SGK1: variants seen among roughly 807,000 people sequenced by gnomAD.
SGK1 encodes serum/glucocorticoid regulated kinase 1, also known as serine/threonine-protein kinase Sgk1.
Under a neutral mutation model 64.2 loss-of-function variants are expected in SGK1, and 26 were observed. The observed-to-expected ratio is 0.40, with a 90% CI of 0.30 to 0.56. The LOEUF is 0.56. Ranked by LOEUF, SGK1 falls within the 20% of genes least tolerant of loss-of-function variation. The pLI, the probability that SGK1 is intolerant of heterozygous loss-of-function variation, is 0.38. For synonymous variants in SGK1, 265 were observed against 239.7 expected (o/e 1.11, Z -0.98); for missense variants, 519 against 645.6 (o/e 0.80, Z 2.12).
intron 3 of SGK1, among the ~76,000 whole-genome samples, chr6:134,191,585 A>G (rs1775510185): frequency 6.6e-6 from 1 of 152,160 alleles, no homozygotes; most frequent in South Asian, 2.1e-4. Context: ...AGTTAAGTCC[A>G]CCTATTATAA....
chr6:134,209,373 G>T lies in SGK1; in HGVS notation c.286-1942C>A, dbSNP rs189139214. Among the ~76,000 whole-genome samples the T allele has an allele frequency of 7.2e-5, 11 of 152,242 alleles. No homozygotes were observed. In the East Asian group the frequency reaches 2.1e-3, roughly 30 times the overall value. On this transcript the variant is annotated intron_variant, in intron 2 of 13. Coordinates refer to ENST00000367858, the MANE Select transcript of SGK1 (RefSeq NM_001143676.3). ...CGCTTGAACCCGGGAGGCAGAGGCCGCAGTGAGCTGAGATCGTGCCACTGC... is the reference window on the plus strand; with the variant it reads ...CGCTTGAACCCGGGAGGCAGAGGCCTCAGTGAGCTGAGATCGTGCCACTGC...
intron 2 of SGK1, among the ~76,000 whole-genome samples, chr6:134,224,931 A>G (rs1040359436): frequency 1.3e-5 from 2 of 150,066 alleles, no homozygotes; most frequent in African/African-American, 4.9e-5. Flanking sequence ...GAGGCAGGAG[A>G]ATCGCTTGAA....
At chr6:134,316,980 C>T (rs1777696010) in intron 1 of SGK1, among the ~76,000 whole-genome samples, 1 of 152,120 alleles carries the variant, frequency 6.6e-6, no homozygotes, top group South Asian at 2.1e-4. Flanking sequence ...TCACTTGAGA[C>T]TGAGTGGATG....
chr6:134,236,130 A>G (rs1322812860), intron 2 of SGK1, among the ~76,000 whole-genome samples: 2 of 152,148 alleles, frequency 1.3e-5, no homozygotes, highest in Non-Finnish European at 2.9e-5. Flanking sequence ...GGATTGTAGT[A>G]TTGGCAGGTT....
At chr6:134,223,178 G>A (rs1311270584) in intron 2 of SGK1, among the ~76,000 whole-genome samples, 3 of 151,900 alleles carry the variant, frequency 2.0e-5, no homozygotes, top group African/African-American at 7.3e-5. Flanking sequence ...AGACCAGCCT[G>A]ACTAACATGG....
intron 3 of SGK1, among the ~76,000 whole-genome samples, chr6:134,194,235 A>G (rs907577307): frequency 6.6e-6 from 1 of 151,656 alleles, no homozygotes; most frequent in Non-Finnish European, 1.5e-5. Flanking sequence ...CAACTAGCTG[A>G]GTCTCAGCCA....
intron 2 of SGK1, among the ~76,000 whole-genome samples, chr6:134,254,443 A>G (rs909950311): frequency 6.6e-6 from 1 of 151,282 alleles, no homozygotes; most frequent in Non-Finnish European, 1.5e-5. Context: ...CATATTTGTG[A>G]TGCTGCCTGG....
At chr6:134,225,015 AAAAAAAAAG>A (rs1201700125) in intron 2 of SGK1, among the ~76,000 whole-genome samples, 12 of 149,528 alleles carry the variant, frequency 8.0e-5, no homozygotes, top group Non-Finnish European at 1.3e-4. Flanking sequence ...TCTCAAAAAA[AAAAAAAAAG>A]AAAAAAGAAA....
chr6:134,191,853 T>TTTTTTTTTTTTTTTATA (rs1775517553), intron 3 of SGK1, among the ~76,000 whole-genome samples: 1 of 140,600 alleles, frequency 7.1e-6, no homozygotes. Flanking sequence ...TTTTTTTTTT[T>TTTTTTTTTTTTTTTATA]GAGACAGAGT....
intron 3 of SGK1, among the ~76,000 whole-genome samples, chr6:134,179,997 A>G (rs2114652506): frequency 6.6e-6 from 1 of 152,334 alleles, no homozygotes; most frequent in Non-Finnish European, 1.5e-5. Flanking sequence ...TCTGTTGTCC[A>G]GGCTAGAGTA....
At chr6:134,260,093 C>T (rs1776741153) in intron 2 of SGK1, 1 of 152,172 alleles carries the variant, frequency 6.6e-6, no homozygotes, top group Admixed American at 6.5e-5. Flanking sequence ...GTGCCTCATA[C>T]CTATAATCCC....
At chr6:134,239,188 A>T (rs1239281990) in intron 2 of SGK1, among the ~76,000 whole-genome samples, 1 of 152,202 alleles carries the variant, frequency 6.6e-6, no homozygotes, top group South Asian at 2.1e-4. Context: ...TCTGGTGCAA[A>T]GGAAGTCTGG....
chr6:134,308,312 T>C (rs115628389), intron 1 of SGK1, among the ~76,000 whole-genome samples: 1,839 of 152,338 alleles, frequency 0.012, 60 homozygotes, highest in African/African-American at 0.042. Flanking sequence ...CTATTAACTT[T>C]CATTTTTCCC....
intron 3 of SGK1, among the ~76,000 whole-genome samples, chr6:134,192,456 G>C (rs1562246140): frequency 1.3e-5 from 2 of 152,182 alleles, no homozygotes; most frequent in African/African-American, 2.4e-5. Context: ...AAATAAAGGA[G>C]TTTTAGAGTA....
At position 134,174,698 on chromosome 6, in the gene SGK1, T is replaced by C. The variant is rs377228604; in HGVS notation, c.362-112A>G. ...CAAAAAATTTCCACTTTGCGTCTCC[T>C]GGAGCAGAAGTCCCGCAAGATTCCT... is the stretch of plus-strand genomic sequence containing the variant. On this transcript the variant is annotated intron_variant, in intron 3 of 13. Transcript: ENST00000367858. The C allele has an allele frequency of 3.7e-6, 6 of 1,613,786 alleles. No individual in the cohort carries two copies. In the African/African-American group the frequency reaches 5.3e-5, roughly 14 times the overall value.
chr6:134,170,343 G>A lies in SGK1; in HGVS notation c.1506C>T (p.Val502=), dbSNP rs146520415. Reference sequence around the variant, plus strand: ...CGGCAGCTTCCTTGACGCTGGCTGTGACGAGGACGCTGTCAGGGGACTTGC... The same window carrying A: ...CGGCAGCTTCCTTGACGCTGGCTGTAACGAGGACGCTGTCAGGGGACTTGC... ...SIGKSPDSVL[V]TASVKEAAEA... is the part of the protein sequence containing the mutation. Residue 502 remains valine (V), a synonymous_variant, in exon 14 of 14, where the codon GTC becomes GTT. Coordinates refer to ENST00000367858, the MANE Select transcript of SGK1 (RefSeq NM_001143676.3). The A allele has an allele frequency of 1.0e-4, 169 of 1,614,162 alleles. 2 individuals carry two copies. In the Admixed American group the frequency reaches 1.8e-3, roughly 17 times the overall value.
chr6:134,196,688 A>G (rs1775599459), intron 3 of SGK1, among the ~76,000 whole-genome samples: 1 of 152,178 alleles, frequency 6.6e-6, no homozygotes, highest in Non-Finnish European at 1.5e-5. Context: ...TGGTTCAGGA[A>G]GCTGAGAATG....
At chr6:134,265,574 TATACATATACATA>T (rs1214418801) in intron 1 of SGK1, among the ~76,000 whole-genome samples, 28 of 146,556 alleles carry the variant, frequency 1.9e-4, no homozygotes, top group African/African-American at 6.4e-4. Flanking sequence ...CATATATATT[TATACATATACATA>T]TATACATATA....
At chr6:134,212,069 G>A (rs1775899957) in intron 2 of SGK1, among the ~76,000 whole-genome samples, 1 of 147,676 alleles carries the variant, frequency 6.8e-6, no homozygotes, top group African/African-American at 2.5e-5. Context: ...GTTTTTTTTG[G>A]GGGGGACGGA....
Sources: allele counts gnomAD v4.1 joint callset (sites outside exome capture counted in the v4.1 genomes callset), GRCh38; gene constraint gnomAD v4.1.1; transcripts MANE v1.5; gene names NCBI Gene and HGNC (gene_info 2026-07-23, HGNC 2026-07-21).